DACH2: variants seen among roughly 807,000 people sequenced by gnomAD.
DACH2 encodes dachshund family transcription factor 2, also known as dachshund homolog 2.
Under a neutral mutation model 35.8 loss-of-function variants are expected in DACH2, and 17 were observed. The ratio of observed to expected loss-of-function variants is 0.48; its 90% CI spans 0.33 to 0.71. The LOEUF (loss-of-function observed/expected upper bound fraction) is 0.71, where lower values mean the gene tolerates loss of function less well. DACH2 is among the 30% of genes least tolerant of loss of function. The probability of loss-of-function intolerance (pLI) is 0.02; values close to 1 mark genes in which losing one functional copy is unlikely to be tolerated. For missense variants in DACH2, 469 were observed against 472.7 expected (o/e 0.99, Z 0.07); for synonymous variants, 195 against 177.3 (o/e 1.10, Z -0.79).
chrX:86,695,926 C>T (rs968939126), intron 5 of DACH2, among the ~76,000 whole-genome samples: 3 of 110,949 alleles, frequency 2.7e-5, no homozygotes, highest in South Asian at 3.8e-4. Context: ...TTAAGGTTAC[C>T]GTGAGATCTC....
intron 2 of DACH2, among the ~76,000 whole-genome samples, chrX:86,440,762 A>C (rs2037147429): frequency 9.0e-6 from 1 of 111,530 alleles, no homozygotes; most frequent in Admixed American, 9.6e-5. Flanking sequence ...TTTGTGTAAA[A>C]ATCAATGCAG....
At chrX:86,218,773 G>A (rs1406416891) in intron 1 of DACH2, among the ~76,000 whole-genome samples, 1 of 111,514 alleles carries the variant, frequency 9.0e-6, no homozygotes, top group Non-Finnish European at 1.9e-5. Context: ...TATGTTGTTT[G>A]TATTCTACAA....
intron 1 of DACH2, among the ~76,000 whole-genome samples, chrX:86,315,390 G>A (rs1475560603): frequency 1.8e-5 from 2 of 112,258 alleles, no homozygotes; most frequent in African/African-American, 3.2e-5. Flanking sequence ...GAGATGTACA[G>A]GAGATTCATG....
chrX:86,347,674 A>T (rs1309808307), intron 1 of DACH2, among the ~76,000 whole-genome samples: 2 of 112,779 alleles, frequency 1.8e-5, no homozygotes, highest in Non-Finnish European at 3.7e-5. Context: ...TAAAAAGTAC[A>T]TTTCTTTGAC....
chrX:86,497,581 GT>G (rs756511288), intron 2 of DACH2, among the ~76,000 whole-genome samples: 3 of 111,429 alleles, frequency 2.7e-5, no homozygotes, highest in Non-Finnish European at 5.6e-5. Flanking sequence ...AAGAGAGCTG[GT>G]GAGAATTTCC....
intron 2 of DACH2, among the ~76,000 whole-genome samples, chrX:86,422,660 A>G (rs2036824621): frequency 9.0e-6 from 1 of 111,468 alleles, no homozygotes; most frequent in Non-Finnish European, 1.9e-5. Context: ...AGCATTTACC[A>G]TTTGAGTTAC....
chrX:86,683,913 G>A (rs1041552101), intron 4 of DACH2, among the ~76,000 whole-genome samples: 19 of 111,222 alleles, frequency 1.7e-4, no homozygotes, highest in Admixed American at 1.4e-3. Context: ...ATTAAATAGA[G>A]TGGCCAGAAT....
At chrX:86,616,930 T>G (rs898503645) in intron 3 of DACH2, among the ~76,000 whole-genome samples, 2 of 111,850 alleles carry the variant, frequency 1.8e-5, no homozygotes, top group Admixed American at 1.9e-4. Flanking sequence ...GACCTTGGAG[T>G]TGATTTCTGT....
chrX:86,656,857 G>GTGTGTGTATA (rs1333268452), intron 4 of DACH2, among the ~76,000 whole-genome samples: 1 of 66,745 alleles, frequency 1.5e-5, no homozygotes, highest in African/African-American at 7.2e-5. Context: ...GTGTGTGTGT[G>GTGTGTGTATA]TATATATATA....
intron 7 of DACH2, among the ~76,000 whole-genome samples, chrX:86,808,298 T>C (rs975434522): frequency 1.8e-5 from 2 of 112,148 alleles, no homozygotes; most frequent in East Asian, 5.6e-4. Flanking sequence ...TTATGTGAAA[T>C]TGCTAATCTA....
intron 2 of DACH2, among the ~76,000 whole-genome samples, chrX:86,463,423 G>T (rs778289063): frequency 9.0e-6 from 1 of 110,790 alleles, no homozygotes; most frequent in Non-Finnish European, 1.9e-5. Context: ...AAGCAATGGG[G>T]AAAGGATTCC....
At chrX:86,262,431 A>G (rs5923518) in intron 1 of DACH2, among the ~76,000 whole-genome samples, 65,447 of 111,286 alleles carry the variant, frequency 0.59, 15,704 homozygotes, top group Non-Finnish European at 0.77. Context: ...TAATTTGCAT[A>G]TATCAGCAGT....
chrX:86,732,820 C>T (rs2041546629), intron 6 of DACH2, among the ~76,000 whole-genome samples: 1 of 111,653 alleles, frequency 9.0e-6, no homozygotes, highest in Non-Finnish European at 1.9e-5. Context: ...TGGCCAAAAG[C>T]TAGCATGAGA....
At chrX:86,670,814 T>C (rs1236806699) in intron 4 of DACH2, among the ~76,000 whole-genome samples, 1 of 112,226 alleles carries the variant, frequency 8.9e-6, no homozygotes, top group Non-Finnish European at 1.9e-5. Context: ...ATGTTGACTC[T>C]TTTTAAAATC....
At chrX:86,461,569 TA>T (rs1192952359) in intron 2 of DACH2, among the ~76,000 whole-genome samples, 13 of 111,384 alleles carry the variant, frequency 1.2e-4, no homozygotes, top group Non-Finnish European at 1.9e-5. Flanking sequence ...AATGCATCTT[TA>T]AAAGCTAAAC....
chrX:86,588,830 T>C (rs2039607782), intron 3 of DACH2, among the ~76,000 whole-genome samples: 1 of 111,315 alleles, frequency 9.0e-6, no homozygotes, highest in Non-Finnish European at 1.9e-5. Context: ...ACTTCCTCTC[T>C]TCCTATTAGG....
At chrX:86,391,496 G>A (rs554947872) in intron 2 of DACH2, among the ~76,000 whole-genome samples, 2 of 109,899 alleles carry the variant, frequency 1.8e-5, no homozygotes, top group South Asian at 7.7e-4. Flanking sequence ...AATGACATAA[G>A]TGGAATATAA....
chrX:86,409,766 G>T (rs1254420503), intron 2 of DACH2, among the ~76,000 whole-genome samples: 1 of 111,876 alleles, frequency 8.9e-6, no homozygotes, highest in African/African-American at 3.2e-5. Flanking sequence ...GATATACAAA[G>T]GATCATATAG....
At chrX:86,700,812 T>C (rs1027335387) in intron 5 of DACH2, among the ~76,000 whole-genome samples, 2 of 111,518 alleles carry the variant, frequency 1.8e-5, no homozygotes, top group Non-Finnish European at 3.8e-5. Flanking sequence ...AGAAATGGGA[T>C]ATCTGAACAG....
Sources: gnomAD v4.1 joint callset for allele counts (sites outside exome capture counted in the v4.1 genomes callset) on GRCh38, gnomAD v4.1.1 for gene constraint, MANE v1.5 for transcripts, NCBI Gene and HGNC (gene_info 2026-07-23, HGNC 2026-07-21) for gene names.